Variants in SYNPO observed in about 807,000 individuals in gnomAD.
SYNPO encodes synaptopodin.
A neutral mutation model predicts 49.5 loss-of-function variants in SYNPO; 19 were observed. That is an observed-to-expected ratio of 0.38 (90% CI 0.27 to 0.56). SYNPO has a LOEUF of 0.56. SYNPO is among the 20% of genes least tolerant of loss of function. SYNPO has a pLI of 0.68. For synonymous variants in SYNPO, 536 were observed against 548.0 expected (o/e 0.98, Z 0.31); for missense variants, 1,131 against 1,248.3 (o/e 0.91, Z 1.42).
At chr5:150,654,857 G>T (rs530836879) in intron 2 of SYNPO, among the ~76,000 whole-genome samples, 1 of 152,340 alleles carries the variant, frequency 6.6e-6, no homozygotes, top group South Asian at 2.1e-4. Flanking sequence ...CAGGCGCGGT[G>T]GCTCACGCCT....
In SYNPO at chr5:150,621,920, CA is replaced by C. The variant is rs968216434; in HGVS notation, c.400+3154del. 3.3e-5 allele frequency among the ~76,000 whole-genome samples: 5 copies of C among 152,320 alleles called. No individual in the cohort carries two copies. In the East Asian group the frequency reaches 5.8e-4, roughly 18 times the overall value. On this transcript the variant is annotated intron_variant, in intron 2 of 2. Coordinates refer to the SYNPO transcript ENST00000394243. ...TCAGCCAACACTAGGGCCCCCAGCT[CA>C]CCAAGACAGCCCCATGCTAAGCTGC... is the stretch of plus-strand genomic sequence containing the variant.
rs750774759 is a variant in SYNPO, at chr5:150,649,319, C to T, written c.1044C>T (p.Asp348=). The part of the protein sequence containing the change: ...PSYSVLYPSS[D]PKSSHLKGQA... ...ATTCTGTCCTGTATCCCAGCTCCGA[C>T]CCCAAGTCTTCTCATCTGAAGGGCC... Residue 348 remains aspartate, a synonymous_variant, in exon 2 of 3, where the codon GAC becomes GAT. Transcript: ENST00000307662. 4 of 1,614,230 alleles carry T rather than the reference C, an allele frequency of 2.5e-6. No individual in the cohort carries two copies. The highest frequency in any genetic ancestry group is 3.4e-6 in the Non-Finnish European group (4 of 1,180,034).
chr5:150,598,234 A>G (rs1239214346), upstream of SYNPO, among the ~76,000 whole-genome samples: 7 of 152,122 alleles, frequency 4.6e-5, no homozygotes, highest in Non-Finnish European at 1.0e-4. Flanking sequence ...ATGTTCACGA[A>G]TGCCAATTCA....
the SYNPO span, among the ~76,000 whole-genome samples, chr5:150,590,009 G>A: frequency 6.6e-6 from 1 of 152,250 alleles, no homozygotes; most frequent in Non-Finnish European, 1.5e-5. Context: ...GCCGACAGCT[G>A]CAAGGAACGA....
the SYNPO span, among the ~76,000 whole-genome samples, chr5:150,591,507 G>GC: frequency 6.6e-6 from 1 of 152,200 alleles, no homozygotes; most frequent in African/African-American, 2.4e-5. Flanking sequence ...GGGCAGAAGC[G>GC]CCGTCTCAGA....
At chr5:150,586,905 T>C in the SYNPO span, among the ~76,000 whole-genome samples, 1 of 152,060 alleles carries the variant, frequency 6.6e-6, no homozygotes, top group African/African-American at 2.4e-5. Context: ...GATTCATGGA[T>C]AGTTATATGG....
chr5:150,618,306 G>T, exon 2 of SYNPO: 3 of 1,496,330 alleles, frequency 2.0e-6, no homozygotes, highest in Non-Finnish European at 2.7e-6. Context: ...GCTGGCCCCA[G>T]CCCAGGCCCT....
At chr5:150,653,245 C>G (rs946216380) in intron 2 of SYNPO, 3 of 152,232 alleles carry the variant, frequency 2.0e-5, no homozygotes, top group Non-Finnish European at 4.4e-5. Flanking sequence ...AGTCAGTGCC[C>G]AGGCATGGCT....
intron 2 of SYNPO, chr5:150,650,612 A>G (rs1758342033): frequency 2.1e-6 from 3 of 1,448,780 alleles, no homozygotes; most frequent in East Asian, 2.5e-5. Context: ...CTGATGCGGT[A>G]GAGGGGCATC....
rs759972071 is a variant in SYNPO, at chr5:150,648,543, A to G, written c.268A>G (p.Asn90Asp). ...CACACCAACTTCTAACAGCAGCCACAATCCGCCAGCCACCGATGTCAATCA... is the reference window on the plus strand; with the variant it reads ...CACACCAACTTCTAACAGCAGCCACGATCCGCCAGCCACCGATGTCAATCA... ...LTTPTSNSSH[N>D]PPATDVNQNP... The change falls in exon 2 of 3, where the codon AAT becomes GAT. Residue 90 changes from asparagine (N) to aspartate (D), a missense_variant. Asn to Asp is a conservative substitution (Grantham distance 23, BLOSUM62 1). This residue lies in a region of SYNPO where 602 missense variants were observed against 720.7 expected (regional missense o/e 0.84). Coordinates refer to ENST00000307662, the MANE Select transcript of SYNPO (RefSeq NM_007286.6). The surrounding 1 kb of genome is among the most constrained non-coding windows in gnomAD (Gnocchi z 5.0). The G allele has an allele frequency of 5.0e-6, 8 of 1,613,970 alleles. No individual in the cohort carries two copies. Among genetic ancestry groups the G allele is most frequent in the Admixed American group, 1.7e-5 (1 of 59,996 alleles).
chr5:150,645,505 T>C (rs943684412), intron 1 of SYNPO, among the ~76,000 whole-genome samples: 1 of 152,206 alleles, frequency 6.6e-6, no homozygotes, highest in Non-Finnish European at 1.5e-5. Context: ...AGCTGGCCAC[T>C]GGGGATAGAA....
At chr5:150,603,244 CG>C (rs1199291743) in intron 1 of SYNPO, among the ~76,000 whole-genome samples, 1 of 152,210 alleles carries the variant, frequency 6.6e-6, no homozygotes, top group Non-Finnish European at 1.5e-5. Context: ...GGTGGGTAGG[CG>C]AGAGGCCACC....
upstream of SYNPO, chr5:150,601,041 A>C (rs1349838529): frequency 6.6e-6 from 1 of 150,910 alleles, no homozygotes; most frequent in Non-Finnish European, 1.5e-5. Flanking sequence ...CCCCCCTGAC[A>C]CCCTGCCCTC....
chr5:150,613,276 C>G (rs748546891), intron 1 of SYNPO, among the ~76,000 whole-genome samples: 9 of 152,120 alleles, frequency 5.9e-5, no homozygotes, highest in African/African-American at 1.4e-4. Context: ...TGCCCACCCC[C>G]CTACTTTGTC....
intron 1 of SYNPO, among the ~76,000 whole-genome samples, chr5:150,614,162 C>G (rs758876078): frequency 6.6e-6 from 1 of 152,172 alleles, no homozygotes; most frequent in Non-Finnish European, 1.5e-5. Context: ...GGAAGTGGAT[C>G]GTGTTTTAAG....
intron 2 of SYNPO, among the ~76,000 whole-genome samples, chr5:150,632,303 A>C (rs1235499767): frequency 6.6e-6 from 1 of 152,220 alleles, no homozygotes; most frequent in Non-Finnish European, 1.5e-5. Context: ...TTTTGACAAC[A>C]TTCCTGAGTA....
At chr5:150,629,159 T>C (rs966309503) in intron 2 of SYNPO, among the ~76,000 whole-genome samples, 5 of 152,054 alleles carry the variant, frequency 3.3e-5, no homozygotes, top group African/African-American at 4.8e-5. Context: ...ACTACAGAGA[T>C]GTGCCACCGT....
intron 1 of SYNPO, among the ~76,000 whole-genome samples, chr5:150,613,730 C>T (rs1756911979): frequency 6.6e-6 from 1 of 152,186 alleles, no homozygotes; most frequent in Non-Finnish European, 1.5e-5. Context: ...TCCTGGGCTG[C>T]TTCTCCCTTC....
chr5:150,625,661 G>A (rs79799214), intron 2 of SYNPO, among the ~76,000 whole-genome samples: 3,801 of 152,196 alleles, frequency 0.025, 153 homozygotes, highest in African/African-American at 0.086. Flanking sequence ...CTTTCTAACC[G>A]CTGCGCTGTG....
Sources: gnomAD v4.1 joint callset for allele counts (sites outside exome capture counted in the v4.1 genomes callset) on GRCh38, gnomAD v4.1.1 for gene constraint, gnomAD v4.1.1 regional missense constraint, Gnocchi (gnomAD v3.1) non-coding constraint, MANE v1.5 for transcripts, NCBI Gene and HGNC (gene_info 2026-07-23, HGNC 2026-07-21) for gene names.